CMSS1: variants seen among roughly 807,000 people sequenced by gnomAD.
The protein encoded by CMSS1 is cms1 ribosomal small subunit homolog.
CMSS1 carries 33 observed loss-of-function variants against 43.5 expected under a neutral mutation model. That is an observed-to-expected ratio of 0.76 (90% CI 0.57 to 1.01). The LOEUF (loss-of-function observed/expected upper bound fraction) is 1.01, where lower values mean the gene tolerates loss of function less well. Ranked by LOEUF, CMSS1 falls within the 50% of genes least tolerant of loss-of-function variation. CMSS1 has a pLI of 0.00. For synonymous variants in CMSS1, 115 were observed against 117.2 expected, an observed-to-expected ratio of 0.98 and a Z score of 0.12; for missense variants, 313 against 326.4, an observed-to-expected ratio of 0.96 and a Z score of 0.32.
At position 99,929,264 on chromosome 3, in the gene CMSS1, G is replaced by A. The variant is rs545224459; in HGVS notation, c.64+111221G>A. Among the ~76,000 whole-genome samples the A allele has an allele frequency of 5.3e-5, 8 of 152,290 alleles. No individual in the cohort carries two copies. The East Asian group carries it at 7.7e-4, about 15-fold the overall frequency. ...CCTGTTGGGACTGCCCACCTTTGCC[G>A]TTGTAATTGCTAGGTACGCTTGGTG... On this transcript the variant is annotated intron_variant, in intron 1 of 9. Coordinates refer to ENST00000421999, the MANE Select transcript of CMSS1 (RefSeq NM_032359.4).
chr3:99,849,146 C>G (rs779840156), intron 1 of CMSS1: 13 of 1,614,040 alleles, frequency 8.1e-6, no homozygotes, highest in Non-Finnish European at 1.0e-5. Flanking sequence ...AAGGACAGCA[C>G]AGATCCCTCA....
chr3:100,050,088 G>GA (rs1278157037), intron 1 of CMSS1, among the ~76,000 whole-genome samples: 1 of 152,180 alleles, frequency 6.6e-6, no homozygotes, highest in African/African-American at 2.4e-5. Flanking sequence ...TAATCACACA[G>GA]ACTCACCTGT....
chr3:100,020,220 T>C (rs2064782782), intron 1 of CMSS1, among the ~76,000 whole-genome samples: 2 of 152,228 alleles, frequency 1.3e-5, no homozygotes, highest in Non-Finnish European at 2.9e-5. Context: ...ACCCTCTTTC[T>C]GTTTCACATA....
In CMSS1 at chr3:100,010,778, AT is replaced by A. The variant is rs11371196; in HGVS notation, c.65-136174del. On this transcript the variant is annotated intron_variant, in intron 1 of 9. Coordinates refer to ENST00000421999, the MANE Select transcript of CMSS1 (RefSeq NM_032359.4). ...TACAGGTGCGCGCCTCCACGCCCGGATTTTTTTTTTTTTTTTTTTTTGTATT... is the reference window on the plus strand; with the variant it reads ...TACAGGTGCGCGCCTCCACGCCCGGATTTTTTTTTTTTTTTTTTTTGTATT... Among the ~76,000 whole-genome samples the A allele has an allele frequency of 3.4e-3, 321 of 93,666 alleles. 2 individuals carry two copies. The highest frequency in any genetic ancestry group is 4.9e-3 in the East Asian group (16 of 3,276). 61.4% of individuals were successfully genotyped at this position (93,666 alleles called of 152,430 possible).
chr3:99,920,059 C>A (rs1322077215), intron 1 of CMSS1, among the ~76,000 whole-genome samples: 1 of 152,092 alleles, frequency 6.6e-6, no homozygotes, highest in Non-Finnish European at 1.5e-5. Context: ...CCTACTAGGC[C>A]AAGATTTTAT....
intron 1 of CMSS1, among the ~76,000 whole-genome samples, chr3:100,099,222 A>C (rs1559757098): frequency 6.6e-6 from 1 of 152,210 alleles, no homozygotes; most frequent in Non-Finnish European, 1.5e-5. Context: ...AATAGACTGA[A>C]TATTTATCAT....
intron 1 of CMSS1, among the ~76,000 whole-genome samples, chr3:99,961,071 C>G (rs1163588283): frequency 6.6e-6 from 1 of 152,194 alleles, no homozygotes; most frequent in Non-Finnish European, 1.5e-5. Flanking sequence ...CCTTGAGTCC[C>G]TCTGGATTAT....
At chr3:100,039,478 G>A (rs2065164745) in intron 1 of CMSS1, among the ~76,000 whole-genome samples, 5 of 152,060 alleles carry the variant, frequency 3.3e-5, no homozygotes, top group Admixed American at 3.3e-4. Context: ...TTAATGGAAA[G>A]GAAAACAGTA....
At chr3:99,915,905 G>T (rs762923295) in intron 1 of CMSS1, among the ~76,000 whole-genome samples, 7 of 152,072 alleles carry the variant, frequency 4.6e-5, no homozygotes, top group African/African-American at 1.7e-4. Flanking sequence ...CCCAGTATAG[G>T]GTCTACATAA....
rs78942106 is a variant in CMSS1, at chr3:99,927,312, A to G, written c.64+109269A>G. Among the ~76,000 whole-genome samples, 1,035 of 152,126 alleles carry G rather than the reference A, an allele frequency of 6.8e-3. 15 individuals are homozygous for G. Among genetic ancestry groups the G allele is most frequent in the African/African-American group, 0.023 (959 of 41,508 alleles). On this transcript the variant is annotated intron_variant, in intron 1 of 9. Coordinates refer to ENST00000421999, the MANE Select transcript of CMSS1 (RefSeq NM_032359.4). ...ATTTGCCCTAGGTTATGCTAATAAT[A>G]CTGAGACTCTTTTATTATAGTGCCT...
intron 1 of CMSS1, among the ~76,000 whole-genome samples, chr3:99,930,575 T>C (rs546327363): frequency 3.3e-4 from 51 of 152,332 alleles, no homozygotes; most frequent in African/African-American, 1.1e-3. Context: ...CATGTCATCA[T>C]GACAGCCCCT....
chr3:99,924,317 A>G (rs1707219132), intron 1 of CMSS1: 1 of 1,613,886 alleles, frequency 6.2e-7, no homozygotes, highest in African/African-American at 1.3e-5. Flanking sequence ...CTCCAACTCC[A>G]ATATGGTTTG....
At chr3:99,912,151 T>C (rs956934723) in intron 1 of CMSS1, among the ~76,000 whole-genome samples, 5 of 152,232 alleles carry the variant, frequency 3.3e-5, no homozygotes, top group Non-Finnish European at 5.9e-5. Context: ...TTTTTGGTTT[T>C]ATTCAGCCAT....
At position 99,992,584 on chromosome 3, in the gene CMSS1, G is replaced by A. The variant is rs150583835; in HGVS notation, c.65-154389G>A. 8.8e-4 allele frequency among the ~76,000 whole-genome samples: 134 copies of A among 151,964 alleles called. 3 individuals are homozygous for A. Among genetic ancestry groups the A allele is most frequent in the Non-Finnish European group, 2.2e-4 (15 of 67,900 alleles). ...TTATTAGCCCTTTGTCAGATGCATAGTTGCAAATATTTTTTCCCATTCTAT... is the reference window on the plus strand; with the variant it reads ...TTATTAGCCCTTTGTCAGATGCATAATTGCAAATATTTTTTCCCATTCTAT... On this transcript the variant is annotated intron_variant, in intron 1 of 9. Coordinates refer to ENST00000421999, the MANE Select transcript of CMSS1 (RefSeq NM_032359.4).
At chr3:99,837,461 C>T (rs563298894) in intron 1 of CMSS1, among the ~76,000 whole-genome samples, 28 of 151,736 alleles carry the variant, frequency 1.8e-4, no homozygotes, top group African/African-American at 5.6e-4. Context: ...ACAGCCAAAC[C>T]ACTAATTGTA....
chr3:99,844,568 G>A (rs1576504082), intron 1 of CMSS1, among the ~76,000 whole-genome samples: 1 of 152,158 alleles, frequency 6.6e-6, no homozygotes. Flanking sequence ...CTACTAAAAC[G>A]TTTTTATTGG....
At chr3:100,021,500 T>C (rs1356186478) in intron 1 of CMSS1, among the ~76,000 whole-genome samples, 1 of 152,172 alleles carries the variant, frequency 6.6e-6, no homozygotes, top group African/African-American at 2.4e-5. Context: ...TGTAATGTTT[T>C]GTTTTACTTC....
chr3:100,170,287 A>G (rs1194848447), intron 6 of CMSS1, among the ~76,000 whole-genome samples: 1 of 152,238 alleles, frequency 6.6e-6, no homozygotes, highest in Non-Finnish European at 1.5e-5. Flanking sequence ...AGGAAAGTAG[A>G]AAACCCATGT....
chr3:100,016,443 G>T (rs761359282), intron 1 of CMSS1, among the ~76,000 whole-genome samples: 1 of 152,114 alleles, frequency 6.6e-6, no homozygotes, highest in African/African-American at 2.4e-5. Flanking sequence ...CACCCACCTC[G>T]GAAAGTGCTG....
Sources: allele counts gnomAD v4.1 joint callset (sites outside exome capture counted in the v4.1 genomes callset), GRCh38; gene constraint gnomAD v4.1.1; transcripts MANE v1.5; gene names NCBI Gene and HGNC (gene_info 2026-07-23, HGNC 2026-07-21).